Variants in TGFA observed in about 807,000 individuals in gnomAD.
The protein encoded by TGFA is transforming growth factor alpha.
Under a neutral mutation model 21.7 loss-of-function variants are expected in TGFA, and 12 were observed. The ratio of observed to expected loss-of-function variants is 0.55; its 90% confidence interval spans 0.35 to 0.90. The LOEUF (loss-of-function observed/expected upper bound fraction) is 0.90. TGFA is among the 40% of genes least tolerant of loss of function. The pLI, the probability that TGFA is intolerant of heterozygous loss-of-function variation, is 0.01. For missense variants in TGFA, 178 were observed against 210.8 expected (o/e 0.84, Z 0.96); for synonymous variants, 79 against 88.1 (o/e 0.90, Z 0.58).
chr2:70,499,445 T>C (rs1347976324), intron 2 of TGFA, among the ~76,000 whole-genome samples: 1 of 152,220 alleles, frequency 6.6e-6, no homozygotes, highest in Non-Finnish European at 1.5e-5. Context: ...AACCTGCTGT[T>C]AAGCCAGTGA....
intron 3 of TGFA, among the ~76,000 whole-genome samples, chr2:70,461,302 C>T (rs1411220071): frequency 1.3e-5 from 2 of 152,174 alleles, no homozygotes; most frequent in African/African-American, 2.4e-5. Context: ...CTTAACCCTA[C>T]CCCCACCACC....
At chr2:70,524,260 C>T (rs1193185779) in intron 1 of TGFA, among the ~76,000 whole-genome samples, 1 of 152,244 alleles carries the variant, frequency 6.6e-6, no homozygotes, top group Admixed American at 6.5e-5. Flanking sequence ...GGATGCAGCA[C>T]GCATCTGGCT....
intron 1 of TGFA, among the ~76,000 whole-genome samples, chr2:70,541,202 T>TATA (rs1234314546): frequency 6.6e-6 from 1 of 152,252 alleles, no homozygotes; most frequent in South Asian, 2.1e-4. Flanking sequence ...TAAAGCAATC[T>TATA]ATATCTCCAT....
chr2:70,500,312 C>T (rs1164495789), intron 2 of TGFA, among the ~76,000 whole-genome samples: 3 of 152,102 alleles, frequency 2.0e-5, no homozygotes, highest in Non-Finnish European at 4.4e-5. Context: ...CCTCTCTGGT[C>T]CAGATTTTTA....
At chr2:70,459,370 G>A (rs559058890) in intron 3 of TGFA, among the ~76,000 whole-genome samples, 2 of 152,306 alleles carry the variant, frequency 1.3e-5, no homozygotes, top group South Asian at 2.1e-4. Context: ...GTGAGGTTGC[G>A]ACTATTATTT....
intron 2 of TGFA, among the ~76,000 whole-genome samples, chr2:70,474,656 G>A (rs1670869113): frequency 6.6e-6 from 1 of 152,184 alleles, no homozygotes; most frequent in Non-Finnish European, 1.5e-5. Context: ...GTGGTGGCTG[G>A]AACATGAGAT....
chr2:70,530,785 A>G (rs989547862), intron 1 of TGFA, among the ~76,000 whole-genome samples: 12 of 152,314 alleles, frequency 7.9e-5, no homozygotes, highest in Admixed American at 2.6e-4. Context: ...ACAGCAACCC[A>G]AGCTCAGAGG....
intron 1 of TGFA, among the ~76,000 whole-genome samples, chr2:70,517,986 A>G (rs1672336494): frequency 6.6e-6 from 1 of 152,228 alleles, no homozygotes; most frequent in Non-Finnish European, 1.5e-5. Context: ...AGGCTGTGTG[A>G]GGACCTTCCA....
intron 1 of TGFA, among the ~76,000 whole-genome samples, chr2:70,531,067 G>T (rs1039933080): frequency 2.6e-5 from 4 of 152,202 alleles, no homozygotes; most frequent in Non-Finnish European, 5.9e-5. Flanking sequence ...GGAGCACTGA[G>T]ACATACCCTA....
chr2:70,465,853 C>T (rs1318176263), intron 2 of TGFA, 117 bp from the exon 3 acceptor site: 1 of 1,423,176 alleles, frequency 7.0e-7, no homozygotes, highest in Non-Finnish European at 9.5e-7. Context: ...TTTGGGTTCT[C>T]ACCTGGGGCA....
intron 1 of TGFA, among the ~76,000 whole-genome samples, chr2:70,542,980 G>A (rs1553505357): frequency 6.6e-6 from 1 of 151,664 alleles, no homozygotes; most frequent in East Asian, 2.0e-4. Flanking sequence ...GCGGGCGCCT[G>A]TAATCCCAGG....
intron 1 of TGFA, among the ~76,000 whole-genome samples, chr2:70,535,078 C>T (rs1177725551): frequency 6.6e-6 from 1 of 152,006 alleles, no homozygotes; most frequent in Admixed American, 6.6e-5. Context: ...TACCATATCT[C>T]ATAAGATTGC....
At chr2:70,463,467 T>G (rs1291088688) in intron 3 of TGFA, among the ~76,000 whole-genome samples, 1 of 152,134 alleles carries the variant, frequency 6.6e-6, no homozygotes. Flanking sequence ...AGAAGGCTTC[T>G]AACAGCTGAA....
intron 2 of TGFA, among the ~76,000 whole-genome samples, chr2:70,491,563 T>C (rs3755381): frequency 0.54 from 81,742 of 152,020 alleles, 22,194 homozygotes; most frequent in East Asian, 0.61. Flanking sequence ...CCTTTATCTT[T>C]TTGAAAATTC....
chr2:70,457,420 C>T (rs961621724), intron 3 of TGFA, among the ~76,000 whole-genome samples: 2 of 152,162 alleles, frequency 1.3e-5, no homozygotes, highest in African/African-American at 4.8e-5. Flanking sequence ...TGTGATTCTT[C>T]TTAATAAAAG....
intron 1 of TGFA, among the ~76,000 whole-genome samples, chr2:70,543,490 C>A (rs1458341958): frequency 6.7e-6 from 1 of 149,000 alleles, no homozygotes; most frequent in Admixed American, 6.7e-5. Flanking sequence ...TGCGCCACTT[C>A]ACCCTAGCCT....
intron 1 of TGFA, among the ~76,000 whole-genome samples, chr2:70,516,750 G>A (rs889157869): frequency 1.3e-5 from 2 of 152,174 alleles, no homozygotes; most frequent in Non-Finnish European, 2.9e-5. Context: ...TTCTGACTTC[G>A]CTGGCACTGC....
chr2:70,529,595 G>GC (rs1491189739), intron 1 of TGFA, among the ~76,000 whole-genome samples: 8 of 144,212 alleles, frequency 5.5e-5, no homozygotes, highest in African/African-American at 8.2e-5. Context: ...GAATCCCCCC[G>GC]CCCCAGTCCT....
intron 2 of TGFA, among the ~76,000 whole-genome samples, chr2:70,504,187 G>A (rs980949843): frequency 6.6e-6 from 1 of 151,676 alleles, no homozygotes; most frequent in Non-Finnish European, 1.5e-5. Context: ...CGAGGTGGGT[G>A]GATCACTTGA....
Sources: allele counts gnomAD v4.1 joint callset (sites outside exome capture counted in the v4.1 genomes callset), GRCh38; gene constraint gnomAD v4.1.1; transcripts MANE v1.5; gene names NCBI Gene and HGNC (gene_info 2026-07-23, HGNC 2026-07-21).